GPR146: variants seen among roughly 807,000 people sequenced by gnomAD.
The protein encoded by GPR146 is G-protein coupled receptor 146.
For missense variants in GPR146, 381 were observed against 213.9 expected (o/e 1.78, Z -4.87); for synonymous variants, 203 against 104.3 (o/e 1.95, Z -5.77).
chr7:1,052,230 G>A lies in GPR146; in HGVS notation c.-24-5262G>A, dbSNP rs1783183875. On this transcript the variant is annotated intron_variant, in intron 1 of 1. Coordinates refer to ENST00000444847, the MANE Select transcript of GPR146 (RefSeq NM_001303473.2). The surrounding 1 kb of genome is among the most constrained non-coding windows in gnomAD (Gnocchi z 4.2). ...GGCTGAGTGGGTGAGGAGCCTCTGA[G>A]CAGGCGCCTGCGTCGAGGCGTGCCC... 6.6e-6 allele frequency among the ~76,000 whole-genome samples: 1 copy of A among 152,372 alleles called. No individual in the cohort carries two copies. The highest frequency in any genetic ancestry group is 2.1e-4 in the South Asian group (1 of 4,824).
intron 1 of GPR146, among the ~76,000 whole-genome samples, chr7:1,053,656 T>C (rs139206902): frequency 0.012 from 1,889 of 152,170 alleles, 39 homozygotes; most frequent in African/African-American, 0.033. Context: ...GGAGAAACCT[T>C]GTCTCTACTG....
intron 1 of GPR146, among the ~76,000 whole-genome samples, chr7:1,050,604 C>T (rs558230183): frequency 3.9e-4 from 60 of 152,344 alleles, no homozygotes; most frequent in African/African-American, 1.4e-3. Context: ...CGCGGGAGAG[C>T]CTGCAAGGAA....
chr7:1,053,310 C>T (rs1008855656), intron 1 of GPR146, among the ~76,000 whole-genome samples: 6 of 152,214 alleles, frequency 3.9e-5, no homozygotes, highest in East Asian at 1.9e-4. Context: ...GTGGCGACGG[C>T]GGGGGAGGGG....
At position 1,057,625 on chromosome 7, in the gene GPR146, G is replaced by A. The variant is rs61742799; in HGVS notation, c.110G>A (p.Gly37Asp). 6.5e-6 allele frequency: 5 copies of A among 769,434 alleles called. No homozygotes were observed. The highest frequency in any genetic ancestry group is 1.7e-5 in the Admixed American group (1 of 57,994). 47.7% of individuals were successfully genotyped at this position (769,434 alleles called of 1,614,324 possible). ...SLLSLLGLVV[G>D]VPVGLCYNAL... is the part of the protein sequence containing the mutation. ...TTGTCGCTGCTGGGCCTGGTGGTGG[G>A]CGTGCCAGTGGGCCTGTGCTACAAC... The change falls in exon 2 of 2, where the codon GGC (glycine) becomes GAC (aspartate). Residue 37 changes from glycine (G) to aspartate (D), a missense_variant. By Grantham distance (94) the Gly-to-Asp change is moderately conservative. Coordinates refer to ENST00000444847, the MANE Select transcript of GPR146 (RefSeq NM_001303473.2).
chr7:1,053,661 C>T (rs1416800683), intron 1 of GPR146, among the ~76,000 whole-genome samples: 2 of 152,182 alleles, frequency 1.3e-5, no homozygotes, highest in Non-Finnish European at 2.9e-5. Context: ...AACCTTGTCT[C>T]TACTGAAAAT....
intron 1 of GPR146, chr7:1,056,230 A>G (rs76713558): frequency 0.11 from 17,666 of 153,622 alleles, 1,248 homozygotes; most frequent in Middle Eastern, 0.25. Context: ...GTTAGTGAGG[A>G]GCTAGACAAG....
intron 1 of GPR146, chr7:1,045,835 C>A (rs1276309870): frequency 1.3e-5 from 2 of 152,282 alleles, no homozygotes; most frequent in African/African-American, 4.8e-5. Flanking sequence ...GGGGCCAGAG[C>A]AGCTCACTGC....
chr7:1,057,756 C>G lies in GPR146; in HGVS notation c.241C>G (p.Pro81Ala), dbSNP rs749644212. The G allele has an allele frequency of 3.9e-6, 3 of 775,844 alleles. No individual in the cohort carries two copies. The allele number at this position is 775,844 out of a possible 1,614,324, so 48.1% of individuals were successfully genotyped here. ...AGGCCTGGTGCTCAGCGCCCTGGCCCCTGTGCACCTGCTCGGCCCCCCGAG... is the reference window on the plus strand; with the variant it reads ...AGGCCTGGTGCTCAGCGCCCTGGCCGCTGTGCACCTGCTCGGCCCCCCGAG... ...VAGLVLSALAPVHLLGPPSSR... is the reference protein window; with the variant it reads ...VAGLVLSALAAVHLLGPPSSR... Residue 81 changes from proline to alanine, a missense_variant, in exon 2 of 2, where the codon CCT becomes GCT. Transcript: ENST00000444847.
In GPR146 at chr7:1,058,273, T is replaced by C. The variant is rs1489443774; in HGVS notation, c.758T>C (p.Leu253Pro). The change falls in exon 2 of 2, where the codon CTG becomes CCG. Residue 253 changes from leucine (L) to proline (P), a missense_variant. By Grantham distance (98) the Leu-to-Pro change is moderately conservative (BLOSUM62 -3). Coordinates refer to ENST00000444847, the MANE Select transcript of GPR146 (RefSeq NM_001303473.2). ...FGLWTPHYLI[L>P]LGHTVIISRG... ...CTCTGGACGCCACACTATCTGATCC[T>C]GCTGGGGCACACGGTCATCATCTCG... 1.3e-6 allele frequency: 1 copy of C among 772,796 alleles called. No homozygotes were observed. The highest frequency in any genetic ancestry group is 2.4e-5 in the East Asian group (1 of 41,252). The allele number at this position is 772,796 out of a possible 1,614,324, so 47.9% of individuals were successfully genotyped here.
Position 1,058,256 on chromosome 7 carries a change from G to A in GPR146, c.741G>A (p.Thr247=), listed in dbSNP as rs138597784. The A allele has an allele frequency of 2.1e-5, 16 of 770,302 alleles. No homozygotes were observed. The highest frequency in any genetic ancestry group is 3.4e-5 in the African/African-American group (2 of 59,152). 47.7% of individuals were successfully genotyped at this position (770,302 alleles called of 1,614,324 possible). Residue 247 remains threonine (T), a synonymous_variant, in exon 2 of 2, where the codon ACG becomes ACA. Transcript: ENST00000444847. ...ATVCTQFGLW[T]PHYLILLGHT... ...TGTGCACGCAGTTTGGGCTCTGGACGCCACACTATCTGATCCTGCTGGGGC... is the reference window on the plus strand; with the variant it reads ...TGTGCACGCAGTTTGGGCTCTGGACACCACACTATCTGATCCTGCTGGGGC...
chr7:1,048,223 C>T (rs1782762901), intron 1 of GPR146, among the ~76,000 whole-genome samples: 1 of 152,192 alleles, frequency 6.6e-6, no homozygotes, highest in Admixed American at 6.5e-5. Flanking sequence ...CACCCGGAAA[C>T]TTCGTGGGGA....
At chr7:1,054,177 C>T (rs1456962026) in intron 1 of GPR146, among the ~76,000 whole-genome samples, 1 of 152,230 alleles carries the variant, frequency 6.6e-6, no homozygotes, top group African/African-American at 2.4e-5. Context: ...CAGGTAATGC[C>T]TGGTAAAAGG....
chr7:1,055,002 C>T (rs1183364927), intron 1 of GPR146, among the ~76,000 whole-genome samples: 5 of 152,090 alleles, frequency 3.3e-5, no homozygotes, highest in Non-Finnish European at 5.9e-5. Context: ...ACACCAGGGG[C>T]GGCTGCATGG....
intron 1 of GPR146, chr7:1,055,592 G>A: frequency 2.7e-6 from 1 of 375,446 alleles, no homozygotes; most frequent in Non-Finnish European, 5.3e-6. Flanking sequence ...TGGGAGAGAG[G>A]ACGCAGGGGG....
Position 1,058,437 on chromosome 7 carries a change from C to A in GPR146, c.922C>A (p.Gln308Lys). The A allele has an allele frequency of 1.3e-6, 1 of 780,750 alleles. No homozygotes were observed. The highest frequency in any genetic ancestry group is 2.4e-6 in the Non-Finnish European group (1 of 418,140). The allele number at this position is 780,750 out of a possible 1,614,324, so 48.4% of individuals were successfully genotyped here. A position where few individuals can be genotyped will look rare whatever the true frequency, so the allele number is the denominator to read the frequency against. ...GAACCAGAGCTTCCCCAGCAAGCTC[C>A]AACGGCTGATGAAAAAGCTGCCCTG... ...YMNQSFPSKLQRLMKKLPCGD... is the reference protein window; with the variant it reads ...YMNQSFPSKLKRLMKKLPCGD... The change falls in exon 2 of 2, where the codon CAA becomes AAA. Residue 308 changes from glutamine (Q) to lysine (K), a missense_variant. Transcript: ENST00000444847.
At chr7:1,048,730 G>A (rs1782814859) in intron 1 of GPR146, among the ~76,000 whole-genome samples, 1 of 152,198 alleles carries the variant, frequency 6.6e-6, no homozygotes, top group African/African-American at 2.4e-5. Flanking sequence ...CAGCTAGCCT[G>A]ACGGGGTCCT....
At chr7:1,053,178 A>G (rs1783310747) in intron 1 of GPR146, among the ~76,000 whole-genome samples, 4 of 149,688 alleles carry the variant, frequency 2.7e-5, no homozygotes, top group Admixed American at 1.3e-4. Flanking sequence ...CAAGCGGGAG[A>G]CCACGGACAG....
At chr7:1,046,379 T>C (rs1782581872) in intron 1 of GPR146, among the ~76,000 whole-genome samples, 2 of 152,132 alleles carry the variant, frequency 1.3e-5, no homozygotes, top group African/African-American at 2.4e-5. Context: ...CTGTTTTCTG[T>C]CAACAGTGTT....
rs1197208237 is a variant in GPR146 at position 1,052,957 on chromosome 7, T to C, written c.-24-4535T>C. On this transcript the variant is annotated intron_variant, in intron 1 of 1. Transcript: ENST00000444847. This position sits in a 1 kb window ranked among gnomAD's most constrained non-coding sequence, Gnocchi z 4.2. ...CACTTCTGAAGAGGCTCATCTGGGC[T>C]TTCTCTCCCAGCCTCTAAGTCTCCC... 6.6e-6 allele frequency among the ~76,000 whole-genome samples: 1 copy of C among 152,168 alleles called. No individual in the cohort carries two copies. Among genetic ancestry groups the C allele is most frequent in the African/African-American group, 2.4e-5 (1 of 41,428 alleles).
Sources: gnomAD v4.1 joint callset for allele counts (sites outside exome capture counted in the v4.1 genomes callset) on GRCh38, gnomAD v4.1.1 for gene constraint, Gnocchi (gnomAD v3.1) non-coding constraint, MANE v1.5 for transcripts, NCBI Gene and HGNC (gene_info 2026-07-23, HGNC 2026-07-21) for gene names.